KAZN: variants seen among roughly 807,000 people sequenced by gnomAD.
KAZN encodes the protein kazrin.
In KAZN, 40 loss-of-function variants were observed where a neutral mutation model predicts 87.4. The observed-to-expected ratio is 0.46, with a 90% CI of 0.36 to 0.60. The LOEUF (loss-of-function observed/expected upper bound fraction) is 0.60. Ranked by LOEUF, KAZN falls within the 20% of genes least tolerant of loss-of-function variation. The probability of loss-of-function intolerance (pLI) is 0.00; values close to 1 mark genes in which losing one functional copy is unlikely to be tolerated. For missense variants in KAZN, 898 were observed against 1,073.9 expected (o/e 0.84, Z 2.29); for synonymous variants, 466 against 458.3 (o/e 1.02, Z -0.22).
At chr1:14,645,651 G>C (rs1490663776) in intron 1 of KAZN, among the ~76,000 whole-genome samples, 1 of 152,196 alleles carries the variant, frequency 6.6e-6, no homozygotes, top group Non-Finnish European at 1.5e-5. Context: ...TTTGGGCCAA[G>C]ACTATGGTGT....
Position 14,549,139 on chromosome 1 carries a change from G to A in KAZN, c.250-49844G>A, listed in dbSNP as rs186637476. Reference sequence around the variant, plus strand: ...CACTTATTAATTCTAATAATTTTTCGGTAGAGTCTTTGAAGTTTTCTGTGT... The same window carrying A: ...CACTTATTAATTCTAATAATTTTTCAGTAGAGTCTTTGAAGTTTTCTGTGT... On this transcript the variant is annotated intron_variant, in intron 2 of 16. Transcript: ENST00000636203. 2.8e-3 allele frequency among the ~76,000 whole-genome samples: 426 copies of A among 152,094 alleles called. 6 individuals carry two copies. The highest frequency in any genetic ancestry group is 3.9e-3 in the East Asian group (20 of 5,160).
At chr1:14,256,524 G>A (rs1650527084) in intron 2 of KAZN, among the ~76,000 whole-genome samples, 1 of 151,892 alleles carries the variant, frequency 6.6e-6, no homozygotes, top group Non-Finnish European at 1.5e-5. Context: ...AGGGAGGGAG[G>A]CAAGAGAGTA....
chr1:14,408,839 TAATC>T (rs1403446614), intron 2 of KAZN, among the ~76,000 whole-genome samples: 2 of 151,112 alleles, frequency 1.3e-5, no homozygotes, highest in Non-Finnish European at 1.5e-5. Flanking sequence ...CACAAATAAA[TAATC>T]AAGGCAAATA....
intron 2 of KAZN, among the ~76,000 whole-genome samples, chr1:14,432,514 A>T (rs965500750): frequency 3.9e-5 from 6 of 152,070 alleles, no homozygotes; most frequent in Non-Finnish European, 5.9e-5. Flanking sequence ...TTAGTACTTG[A>T]CGAATCATTG....
rs537896321 is a variant in KAZN at position 14,909,946 on chromosome 1, G to A, written c.227-50738G>A. ...CGTGTGCTTGTAGTCCCAGCTACTC[G>A]GGAGGCTGAGACAAGAGAATCGCTT... is the stretch of plus-strand genomic sequence containing the variant. On this transcript the variant is annotated intron_variant, in intron 1 of 14. Transcript: ENST00000376030. Among the ~76,000 whole-genome samples the A allele has an allele frequency of 1.1e-3, 167 of 152,276 alleles. 1 individual carries two copies. The highest frequency in any genetic ancestry group is 1.6e-3 in the Non-Finnish European group (108 of 68,014).
chr1:14,544,350 C>CTTTCTTT (rs1553186409), intron 2 of KAZN, among the ~76,000 whole-genome samples: 3 of 98,126 alleles, frequency 3.1e-5, no homozygotes, highest in African/African-American at 7.9e-5. Flanking sequence ...TTCTTTCTTT[C>CTTTCTTT]TTTTTTTTTT....
intron 1 of KAZN, among the ~76,000 whole-genome samples, chr1:14,633,264 G>A (rs923968953): frequency 6.6e-6 from 1 of 152,166 alleles, no homozygotes; most frequent in Admixed American, 6.5e-5. Flanking sequence ...GATACTGGTA[G>A]GCTCAAGTCC....
chr1:14,200,223 AC>A (rs1368148789), intron 2 of KAZN, among the ~76,000 whole-genome samples: 2 of 152,136 alleles, frequency 1.3e-5, no homozygotes, highest in Non-Finnish European at 2.9e-5. Flanking sequence ...GAACCATTAA[AC>A]GCAATTAGGT....
At chr1:14,398,344 C>G (rs6658614) in intron 2 of KAZN, among the ~76,000 whole-genome samples, 16,768 of 152,290 alleles carry the variant, frequency 0.11, 1,310 homozygotes, top group South Asian at 0.17. Context: ...CACTTACTAT[C>G]TGTGATTTTG....
At chr1:14,857,849 T>C (rs969851557) in intron 1 of KAZN, among the ~76,000 whole-genome samples, 1 of 151,304 alleles carries the variant, frequency 6.6e-6, no homozygotes, top group African/African-American at 2.4e-5. Flanking sequence ...TCATATACCA[T>C]ACAATTCACC....
chr1:14,726,778 C>T lies in KAZN; in HGVS notation c.226+127555C>T, dbSNP rs1643404805. On this transcript the variant is annotated intron_variant, in intron 1 of 14. Transcript: ENST00000376030. ...GGGGAACTTGAGAGACATGCAGATT[C>T]TCAGGCCCCGCCCCAGACCTGCTGA... is the stretch of plus-strand genomic sequence containing the variant. 2.0e-5 allele frequency among the ~76,000 whole-genome samples: 3 copies of T among 152,212 alleles called. No individual in the cohort carries two copies. In the South Asian group the frequency reaches 6.2e-4, roughly 31 times the overall value.
In KAZN at chr1:14,756,708, C is replaced by T. The variant is rs186621428; in HGVS notation, c.226+157485C>T. 4.4e-3 allele frequency among the ~76,000 whole-genome samples: 663 copies of T among 152,306 alleles called. 5 individuals carry two copies. Among genetic ancestry groups the T allele is most frequent in the African/African-American group, 0.014 (583 of 41,558 alleles). ...GCCTAACTTCATCTCTTCAACTCCCCAGGTCTGGGCATTGTGAATATACCA... is the reference window on the plus strand; with the variant it reads ...GCCTAACTTCATCTCTTCAACTCCCTAGGTCTGGGCATTGTGAATATACCA... On this transcript the variant is annotated intron_variant, in intron 1 of 14. Coordinates refer to ENST00000376030, the MANE Select transcript of KAZN (RefSeq NM_201628.3).
chr1:15,096,624 G>A lies in KAZN; in HGVS notation c.1547+1691G>A, dbSNP rs183385837. On this transcript the variant is annotated intron_variant, in intron 10 of 14. Coordinates refer to ENST00000376030, the MANE Select transcript of KAZN (RefSeq NM_201628.3). The surrounding 1 kb of genome is among the most constrained non-coding windows in gnomAD (Gnocchi z 4.5). The stretch of plus-strand genomic sequence containing the variant: ...TTACGTCTCACAGTTCTGGAGGCTG[G>A]AAGTCCAAGATCGGGATGCCAGCAT... Among the ~76,000 whole-genome samples the A allele has an allele frequency of 6.6e-6, 1 of 152,236 alleles. No homozygotes were observed. Among genetic ancestry groups the A allele is most frequent in the Non-Finnish European group, 1.5e-5 (1 of 68,044 alleles).
chr1:14,267,083 A>ATT lies in KAZN; in HGVS notation c.249+86499_249+86500dup, dbSNP rs35943771. ...CCCCGCTGGTGTGTGATGTTCCCAA[A>ATT]TTTTTTTTTCTCATCAACATTATCA... On this transcript the variant is annotated intron_variant, in intron 2 of 16. Transcript: ENST00000636203. 2.7e-4 allele frequency among the ~76,000 whole-genome samples: 39 copies of ATT among 142,092 alleles called. 1 individual carries two copies. Among genetic ancestry groups the ATT allele is most frequent in the African/African-American group, 9.7e-4 (37 of 37,982 alleles). 93.2% of individuals were successfully genotyped at this position (142,092 alleles called of 152,430 possible). A position where few individuals can be genotyped will look rare whatever the true frequency, so the allele number is the denominator to read the frequency against.
chr1:14,710,244 C>A (rs1308962214), intron 1 of KAZN, among the ~76,000 whole-genome samples: 5 of 152,192 alleles, frequency 3.3e-5, no homozygotes, highest in Non-Finnish European at 7.4e-5. Context: ...AACTCCATTG[C>A]TACTTCCCTT....
intron 8 of KAZN, among the ~76,000 whole-genome samples, chr1:15,075,289 A>T (rs750440999): frequency 6.6e-6 from 1 of 152,182 alleles, no homozygotes; most frequent in African/African-American, 2.4e-5. Context: ...AGGGGGAAAA[A>T]AATCCCTGGG....
At chr1:14,132,307 A>T (rs1032175404) in intron 1 of KAZN, among the ~76,000 whole-genome samples, 1 of 152,142 alleles carries the variant, frequency 6.6e-6, no homozygotes, top group Non-Finnish European at 1.5e-5. Flanking sequence ...TAGGCTTCAG[A>T]TAAAGGCCTG....
intron 1 of KAZN, among the ~76,000 whole-genome samples, chr1:14,853,430 C>T (rs1456953343): frequency 6.6e-6 from 1 of 152,162 alleles, no homozygotes; most frequent in African/African-American, 2.4e-5. Flanking sequence ...ATCCTCACCA[C>T]ACTGCATGAG....
At chr1:14,960,638 CG>C in intron 1 of KAZN, 45 bp from the exon 2 acceptor site, 1 of 1,528,912 alleles carries the variant, frequency 6.5e-7, no homozygotes, top group Non-Finnish European at 8.8e-7. Context: ...TGCGAGTGAG[CG>C]GCAGAGACGT....
Sources: allele counts gnomAD v4.1 joint callset (sites outside exome capture counted in the v4.1 genomes callset), GRCh38; gene constraint gnomAD v4.1.1; non-coding constraint Gnocchi (gnomAD v3.1); transcripts MANE v1.5; gene names NCBI Gene and HGNC (gene_info 2026-07-23, HGNC 2026-07-21).